Variants in CCDC92B observed in about 807,000 individuals in gnomAD.
CCDC92B encodes the protein coiled-coil domain containing 92B.
Under a neutral mutation model 5.6 loss-of-function variants are expected in CCDC92B, and 2 were observed. That is an observed-to-expected ratio of 0.36 (90% CI 0.15 to 1.12). The LOEUF (loss-of-function observed/expected upper bound fraction) is 1.12. CCDC92B is among the 50% of genes most tolerant of loss of function. The probability of loss-of-function intolerance (pLI) is 0.40; values close to 1 mark genes in which losing one functional copy is unlikely to be tolerated. For missense variants in CCDC92B, 271 were observed against 262.2 expected, an observed-to-expected ratio of 1.03 and a Z score of -0.23; for synonymous variants, 115 against 122.3, an observed-to-expected ratio of 0.94 and a Z score of 0.39.
intron 2 of CCDC92B, among the ~76,000 whole-genome samples, chr17:2,731,935 G>T (rs1436045869): frequency 6.6e-6 from 1 of 152,210 alleles, no homozygotes; most frequent in Non-Finnish European, 1.5e-5. Context: ...ATCTCAGCTG[G>T]GCTATAGATG....
chr17:2,737,359 C>T (rs768402686), intron 1 of CCDC92B, among the ~76,000 whole-genome samples: 3 of 151,564 alleles, frequency 2.0e-5, no homozygotes, highest in Non-Finnish European at 4.4e-5. Context: ...TGTGGGGTTA[C>T]ATCGAGCAGG....
At chr17:2,748,380 G>A (rs2071012933) in intron 1 of CCDC92B, 1 of 985,058 alleles carries the variant, frequency 1.0e-6, no homozygotes, top group Non-Finnish European at 1.2e-6. Context: ...GCAATTTGTT[G>A]GAATCTGGGT....
At chr17:2,736,912 A>AAAT (rs1284249057) in intron 1 of CCDC92B, among the ~76,000 whole-genome samples, 3 of 143,736 alleles carry the variant, frequency 2.1e-5, no homozygotes, top group African/African-American at 7.6e-5. Context: ...ATAAATAAAT[A>AAAT]AAATACATAC....
chr17:2,730,506 A>C lies in CCDC92B; in HGVS notation c.131-13T>G, dbSNP rs2070779493. On this transcript the variant is annotated splice_polypyrimidine_tract_variant and intron_variant, in intron 2 of 3. Transcript: ENST00000614400. The stretch of plus-strand genomic sequence containing the variant: ...TCATGGGTCAGTTCTGGGGGGAAAG[A>C]AAAGAAAAGGCAGTTTGTGTGTGTG... 1 of 973,180 alleles carries C rather than the reference A, an allele frequency of 1.0e-6. No individual in the cohort carries two copies. Among genetic ancestry groups the C allele is most frequent in the Admixed American group, 6.7e-5 (1 of 15,014 alleles). The allele number at this position is 973,180 out of a possible 1,614,324, so 60.3% of individuals were successfully genotyped here. A position where few individuals can be genotyped will look rare whatever the true frequency, so the allele number is the denominator to read the frequency against.
chr17:2,745,276 C>T (rs576499150), intron 1 of CCDC92B, among the ~76,000 whole-genome samples: 43 of 151,908 alleles, frequency 2.8e-4, no homozygotes, highest in African/African-American at 9.2e-4. Flanking sequence ...GTCTGCTGTG[C>T]GCACATCTGG....
At chr17:2,730,327 G>A in intron 3 of CCDC92B, 119 bp downstream of exon 3, 1 of 438,168 alleles carries the variant, frequency 2.3e-6, no homozygotes, top group Non-Finnish European at 3.0e-6. Context: ...CACCAGCCAA[G>A]GAGTGACTAT....
chr17:2,743,940 C>T (rs1199902326), intron 1 of CCDC92B, among the ~76,000 whole-genome samples: 4 of 151,962 alleles, frequency 2.6e-5, no homozygotes, highest in East Asian at 1.9e-4. Context: ...TGCAATGGCG[C>T]GATCTCAGCT....
rs1027642455 is a variant in CCDC92B, at chr17:2,724,215, G to A, written c.*196C>T. The A allele has an allele frequency of 1.0e-6, 1 of 985,368 alleles. No homozygotes were observed. The allele number at this position is 985,368 out of a possible 1,614,324, so 61.0% of individuals were successfully genotyped here. ...GCGGAGGAACTCTCGCGCGAGGAGA[G>A]GGCTCGAAGCTTTGGAAACGTCGGG... On this transcript the variant is annotated 3_prime_UTR_variant, in exon 4 of 4. Coordinates refer to ENST00000614400, the MANE Select transcript of CCDC92B (RefSeq NM_001355573.2). This position sits in a 1 kb window ranked among gnomAD's most constrained non-coding sequence, Gnocchi z 5.0.
chr17:2,745,730 C>T (rs1230012585), intron 1 of CCDC92B, among the ~76,000 whole-genome samples: 1 of 152,168 alleles, frequency 6.6e-6, no homozygotes, highest in Admixed American at 6.5e-5. Context: ...CCTTCAGAAG[C>T]TCATGCCCGA....
chr17:2,740,212 C>T (rs1019792192), intron 1 of CCDC92B, among the ~76,000 whole-genome samples: 4 of 152,078 alleles, frequency 2.6e-5, no homozygotes, highest in East Asian at 1.9e-4. Flanking sequence ...CTGCTCTGCT[C>T]GAGTGTGGGT....
intron 1 of CCDC92B, among the ~76,000 whole-genome samples, chr17:2,745,984 CT>C (rs983778780): frequency 1.3e-4 from 20 of 152,010 alleles, no homozygotes; most frequent in East Asian, 7.7e-4. Flanking sequence ...CCTTCTCCTT[CT>C]TTTTTTTCCC....
rs565933685 is a variant in CCDC92B, at chr17:2,734,990, C to T, written c.130+26G>A. 2.9e-5 allele frequency: 29 copies of T among 985,530 alleles called. No homozygotes were observed. The South Asian group carries it at 3.3e-4, about 11-fold the overall frequency. 61.0% of individuals were successfully genotyped at this position (985,530 alleles called of 1,614,324 possible). A position where few individuals can be genotyped will look rare whatever the true frequency, so the allele number is the denominator to read the frequency against. On this transcript the variant is annotated intron_variant, in intron 2 of 3. Coordinates refer to ENST00000614400, the MANE Select transcript of CCDC92B (RefSeq NM_001355573.2). Reference sequence around the variant, plus strand: ...ATGATGACAGTGACCTCTCCCCACCCGTCCAGCCGCCTCTCCTGGCCTCAC... The same window carrying T: ...ATGATGACAGTGACCTCTCCCCACCTGTCCAGCCGCCTCTCCTGGCCTCAC...
chr17:2,745,793 A>G (rs941009315), intron 1 of CCDC92B, among the ~76,000 whole-genome samples: 22 of 152,124 alleles, frequency 1.4e-4, no homozygotes, highest in Admixed American at 3.9e-4. Context: ...TGTCAGCTCC[A>G]TCTTTCCCCC....
chr17:2,730,415 G>A, intron 3 of CCDC92B, 31 bp downstream of exon 3: 1 of 984,180 alleles, frequency 1.0e-6, no homozygotes, highest in Non-Finnish European at 1.2e-6. Context: ...TGGGCCCCAT[G>A]ACGCTTCCCC....
At chr17:2,734,963 T>G (rs1597240025) in intron 2 of CCDC92B, 53 bp downstream of exon 2, 1 of 957,402 alleles carries the variant, frequency 1.0e-6, no homozygotes, top group Non-Finnish European at 1.2e-6. Context: ...ACAGTGGTTG[T>G]GATGATGACA....
chr17:2,724,100 C>G lies in CCDC92B; in HGVS notation c.*311G>C, dbSNP rs1478524119. The G allele has an allele frequency of 1.0e-6, 1 of 985,328 alleles. No homozygotes were observed. Among genetic ancestry groups the G allele is most frequent in the South Asian group, 4.7e-5 (1 of 21,286 alleles). 61.0% of individuals were successfully genotyped at this position (985,328 alleles called of 1,614,324 possible). On this transcript the variant is annotated 3_prime_UTR_variant, in exon 4 of 4. Coordinates refer to ENST00000614400, the MANE Select transcript of CCDC92B (RefSeq NM_001355573.2). This position sits in a 1 kb window ranked among gnomAD's most constrained non-coding sequence, Gnocchi z 5.0. ...GGCTTTCCCGGGGAAGGGCGTGGCCCCCGCCCCTCCTGTCTCACAGGCAGG... is the reference window on the plus strand; with the variant it reads ...GGCTTTCCCGGGGAAGGGCGTGGCCGCCGCCCCTCCTGTCTCACAGGCAGG...
At chr17:2,744,544 T>G (rs2070964272) in intron 1 of CCDC92B, among the ~76,000 whole-genome samples, 1 of 152,176 alleles carries the variant, frequency 6.6e-6, no homozygotes, top group African/African-American at 2.4e-5. Flanking sequence ...GCAACTGAGA[T>G]GAAGGACATT....
chr17:2,733,479 G>A (rs997472660), intron 2 of CCDC92B, among the ~76,000 whole-genome samples: 2 of 151,948 alleles, frequency 1.3e-5, no homozygotes, highest in Admixed American at 1.3e-4. Context: ...GGCTGGTCTC[G>A]AACTCCCGAC....
chr17:2,739,008 T>C (rs1227187194), intron 1 of CCDC92B, among the ~76,000 whole-genome samples: 2 of 151,228 alleles, frequency 1.3e-5, no homozygotes, highest in African/African-American at 4.9e-5. Flanking sequence ...GGGGCAGAAG[T>C]TGCAGTGAGC....
Sources: gnomAD v4.1 joint callset for allele counts (sites outside exome capture counted in the v4.1 genomes callset) on GRCh38, gnomAD v4.1.1 for gene constraint, Gnocchi (gnomAD v3.1) non-coding constraint, MANE v1.5 for transcripts, NCBI Gene and HGNC (gene_info 2026-07-23, HGNC 2026-07-21) for gene names.